The following FHIT variants were observed in gnomAD, a reference collection of about 807,000 sequenced individuals.
The protein encoded by FHIT is fragile histidine triad diadenosine triphosphatase, also known as bis(5'-adenosyl)-triphosphatase.
A neutral mutation model predicts 17.9 loss-of-function variants in FHIT; 19 were observed. The ratio of observed to expected loss-of-function variants is 1.06; its 90% confidence interval spans 0.74 to 1.56. The LOEUF (loss-of-function observed/expected upper bound fraction) is 1.56. Ranked by LOEUF, FHIT falls within the 40% of genes most tolerant of loss-of-function variation. The pLI is 0.00. For synonymous variants in FHIT, 81 were observed against 69.7 expected (o/e 1.16, Z -0.81); for missense variants, 248 against 189.2 (o/e 1.31, Z -1.82).
chr3:60,617,074 A>C (rs1013104047), intron 4 of FHIT: 2 of 217,940 alleles, frequency 9.2e-6, no homozygotes, highest in East Asian at 2.2e-4. Context: ...GACAGCCTGG[A>C]GTTTTTAACA....
chr3:60,040,732 T>G (rs893853695), intron 5 of FHIT, among the ~76,000 whole-genome samples: 13 of 152,076 alleles, frequency 8.5e-5, no homozygotes, highest in Non-Finnish European at 1.3e-4. Context: ...ATGTAAGAAC[T>G]AGAAGGAGAG....
At chr3:60,382,847 G>C (rs932807876) in intron 5 of FHIT, among the ~76,000 whole-genome samples, 5 of 152,156 alleles carry the variant, frequency 3.3e-5, no homozygotes, top group Non-Finnish European at 5.9e-5. Flanking sequence ...ATTACATAGA[G>C]AACGAGAAAT....
intron 3 of FHIT, among the ~76,000 whole-genome samples, chr3:60,995,474 A>G (rs553391805): frequency 6.6e-6 from 1 of 152,292 alleles, no homozygotes; most frequent in East Asian, 1.9e-4. Context: ...AAAGATGAAG[A>G]GGGAGATTTA....
chr3:60,952,335 C>A (rs570387676), intron 3 of FHIT, among the ~76,000 whole-genome samples: 3 of 152,290 alleles, frequency 2.0e-5, no homozygotes, highest in African/African-American at 7.2e-5. Flanking sequence ...GGCAACTTGA[C>A]AAGTCAGTGA....
At chr3:61,052,847 TCTA>T (rs1461220192) in intron 2 of FHIT, among the ~76,000 whole-genome samples, 1 of 146,262 alleles carries the variant, frequency 6.8e-6, no homozygotes, top group African/African-American at 2.6e-5. Flanking sequence ...TGTTAATTAA[TCTA>T]TTTTTTTTTA....
At chr3:60,286,560 A>G (rs1707739043) in intron 5 of FHIT, among the ~76,000 whole-genome samples, 2 of 152,280 alleles carry the variant, frequency 1.3e-5, no homozygotes, top group African/African-American at 2.4e-5. Flanking sequence ...TCTCACAGTG[A>G]TATTTACAAG....
intron 9 of FHIT, chr3:59,751,963 G>C (rs1269313586): frequency 2.5e-6 from 1 of 406,360 alleles, no homozygotes; most frequent in Non-Finnish European, 4.4e-6. Flanking sequence ...CCGCAGGAAA[G>C]ACTGGAGAAA....
rs1700716172 is a variant in FHIT, at chr3:59,748,484, C to T, written c.*1101G>A. Among the ~76,000 whole-genome samples the T allele has an allele frequency of 6.6e-6, 1 of 152,044 alleles. No individual in the cohort carries two copies. The highest frequency in any genetic ancestry group is 2.1e-4 in the South Asian group (1 of 4,814). ...TCCAGGCCCATTTTGGTTTCTGCTA[C>T]CTGGCTGTAGTGTGACCAGGGAGGC... On this transcript the variant is annotated 3_prime_UTR_variant, in exon 10 of 10. Transcript: ENST00000492590.
intron 3 of FHIT, among the ~76,000 whole-genome samples, chr3:60,852,723 T>C (rs1428255926): frequency 6.6e-6 from 1 of 152,010 alleles, no homozygotes. Context: ...TAAGGCAGTC[T>C]TGAAAAAAAG....
intron 5 of FHIT, among the ~76,000 whole-genome samples, chr3:60,455,813 G>A (rs1414042178): frequency 6.6e-6 from 1 of 152,142 alleles, no homozygotes; most frequent in Non-Finnish European, 1.5e-5. Context: ...ACATTGGTCA[G>A]TGGGGAGAAG....
intron 5 of FHIT, among the ~76,000 whole-genome samples, chr3:60,462,449 C>A (rs1356888294): frequency 2.6e-5 from 4 of 152,106 alleles, no homozygotes; most frequent in African/African-American, 9.7e-5. Context: ...GTCAAATGCA[C>A]CTAGGGCAAG....
intron 5 of FHIT, among the ~76,000 whole-genome samples, chr3:60,135,675 A>G (rs1362329100): frequency 6.6e-6 from 1 of 152,180 alleles, no homozygotes; most frequent in Non-Finnish European, 1.5e-5. Flanking sequence ...GGGCAGTGGC[A>G]GTGAGCAGAG....
intron 3 of FHIT, among the ~76,000 whole-genome samples, chr3:61,014,795 A>ATATATAT (rs1320038721): frequency 1.2e-5 from 1 of 85,450 alleles, no homozygotes; most frequent in Non-Finnish European, 2.9e-5. Context: ...AAAAAAAAAA[A>ATATATAT]AAAAAAAAAA....
intron 8 of FHIT, among the ~76,000 whole-genome samples, chr3:59,883,185 A>T (rs916380656): frequency 3.9e-5 from 6 of 152,216 alleles, no homozygotes; most frequent in Non-Finnish European, 8.8e-5. Context: ...AGTAATAAAT[A>T]TTAAAAACAA....
At chr3:60,215,732 C>G (rs1703668394) in intron 5 of FHIT, among the ~76,000 whole-genome samples, 1 of 152,140 alleles carries the variant, frequency 6.6e-6, no homozygotes, top group Non-Finnish European at 1.5e-5. Context: ...TGACAACATT[C>G]AGAATGAAGA....
chr3:61,033,999 A>G (rs1271145031), intron 3 of FHIT, among the ~76,000 whole-genome samples: 1 of 152,208 alleles, frequency 6.6e-6, no homozygotes. Flanking sequence ...TAAGGTACCA[A>G]GTCATTTAAT....
In FHIT at chr3:60,635,779, G is replaced by C. The variant is rs564012891; in HGVS notation, c.-17-98800C>G. 5.3e-5 allele frequency among the ~76,000 whole-genome samples: 8 copies of C among 152,180 alleles called. No homozygotes were observed. In the South Asian group the frequency reaches 8.3e-4, roughly 16 times the overall value. On this transcript the variant is annotated intron_variant, in intron 4 of 9. Transcript: ENST00000492590. ...TTATATAATAGAAAAAGCAGCCTCG[G>C]GATAAATGTCCAAGAGCAGGGTTGG...
intron 5 of FHIT, among the ~76,000 whole-genome samples, chr3:60,238,511 C>G (rs1038883377): frequency 1.3e-5 from 2 of 148,228 alleles, no homozygotes; most frequent in Non-Finnish European, 3.0e-5. Flanking sequence ...TTCTAAAATG[C>G]TGAAAAGCAT....
chr3:60,333,255 C>T (rs560981874), intron 5 of FHIT, among the ~76,000 whole-genome samples: 1 of 152,276 alleles, frequency 6.6e-6, no homozygotes, highest in African/African-American at 2.4e-5. Flanking sequence ...GATTTAAAAT[C>T]AATTTAATTG....
Sources: allele counts gnomAD v4.1 joint callset (sites outside exome capture counted in the v4.1 genomes callset), GRCh38; gene constraint gnomAD v4.1.1; transcripts MANE v1.5; gene names NCBI Gene and HGNC (gene_info 2026-07-23, HGNC 2026-07-21).